The following HRG variants were observed in gnomAD, a reference collection of about 807,000 sequenced individuals.
The protein encoded by HRG is histidine-rich glycoprotein.
Under a neutral mutation model 29.5 loss-of-function variants are expected in HRG, and 26 were observed. The observed-to-expected ratio is 0.88, with a 90% confidence interval of 0.65 to 1.22. The LOEUF is 1.22. HRG is among the 50% of genes most tolerant of loss of function. The pLI, the probability that HRG is intolerant of heterozygous loss-of-function variation, is 0.00. For missense variants in HRG, 671 were observed against 654.5 expected (o/e 1.03, Z -0.28); for synonymous variants, 243 against 240.4 (o/e 1.01, Z -0.10).
chr3:186,673,007 G>A (rs1718854905), intron 5 of HRG, 140 bp downstream of exon 5: 1 of 713,494 alleles, frequency 1.4e-6, no homozygotes, highest in South Asian at 1.5e-5. Context: ...AGGAGGAGAA[G>A]GAGGAAGAAA....
At chr3:186,677,024 C>T in intron 6 of HRG, 23 bp from the exon 7 acceptor site, 4 of 1,613,894 alleles carry the variant, frequency 2.5e-6, no homozygotes, top group Non-Finnish European at 3.4e-6. Flanking sequence ...TGATGATAGG[C>T]ACTTTTCTGT....
intron 3 of HRG, 86 bp downstream of exon 3, chr3:186,670,114 T>C (rs1579074758): frequency 2.5e-6 from 2 of 786,498 alleles, no homozygotes; most frequent in East Asian, 5.0e-5. Context: ...TATGTACATA[T>C]GTATTCATAT....
chr3:186,675,758 T>C (rs7625980), intron 6 of HRG, among the ~76,000 whole-genome samples: 38,103 of 151,696 alleles, frequency 0.25, 4,947 homozygotes, highest in South Asian at 0.33. Flanking sequence ...CTTCACGAAA[T>C]TTTTCATATC....
In HRG at chr3:186,671,180, C is replaced by G. The variant is rs577376647; in HGVS notation, c.392-443C>G. Among the ~76,000 whole-genome samples the G allele has an allele frequency of 7.7e-3, 1,140 of 148,192 alleles. 16 individuals are homozygous for G. Among genetic ancestry groups the G allele is most frequent in the African/African-American group, 0.027 (1,093 of 40,608 alleles). On this transcript the variant is annotated intron_variant, in intron 3 of 6. Coordinates refer to ENST00000232003, the MANE Select transcript of HRG (RefSeq NM_000412.5). Reference sequence around the variant, plus strand: ...ACTAGCCTGGGCAATGTGACTCAACCCCATCTCTATTATTTAATATATATG... The same window carrying G: ...ACTAGCCTGGGCAATGTGACTCAACGCCATCTCTATTATTTAATATATATG...
intron 4 of HRG, among the ~76,000 whole-genome samples, chr3:186,672,365 G>A (rs1459374702): frequency 2.0e-5 from 3 of 152,202 alleles, no homozygotes; most frequent in Admixed American, 6.5e-5. Flanking sequence ...ACTGGAGTTT[G>A]AAAACATATT....
intron 5 of HRG, chr3:186,673,966 T>A (rs1382053248): frequency 6.6e-6 from 1 of 152,198 alleles, no homozygotes; most frequent in Non-Finnish European, 1.5e-5. Context: ...ACATTTCCTG[T>A]GACAAGGGGA....
chr3:186,669,597 T>C, intron 2 of HRG: 1 of 384,490 alleles, frequency 2.6e-6, no homozygotes, highest in Non-Finnish European at 4.9e-6. Flanking sequence ...GTGGAGAACA[T>C]GAAGATGAAT....
chr3:186,671,933 A>G, intron 4 of HRG, 144 bp downstream of exon 4: 2 of 736,452 alleles, frequency 2.7e-6, no homozygotes, highest in East Asian at 2.7e-5. Context: ...AAAGACAGGC[A>G]GCAGGTATTT....
At chr3:186,669,104 A>C (rs1412476771) in intron 2 of HRG, 53 bp downstream of exon 2, 2 of 995,324 alleles carry the variant, frequency 2.0e-6, no homozygotes, top group Non-Finnish European at 3.3e-6. Flanking sequence ...TTTTCCATCT[A>C]CTCTGTTCAC....
Position 186,678,013 on chromosome 3 carries a change from T to C in HRG, c.*130T>C, listed in dbSNP as rs979277963. On this transcript the variant is annotated 3_prime_UTR_variant, in exon 7 of 7. Coordinates refer to ENST00000232003, the MANE Select transcript of HRG (RefSeq NM_000412.5). ...TACTGAAGATGCAGCAAAATGTGAA[T>C]GGGAAAAGAGATGGCCTGAGAAGAG... 6.8e-5 allele frequency: 62 copies of C among 906,442 alleles called. No individual in the cohort carries two copies. In the African/African-American group the frequency reaches 9.3e-4, roughly 14 times the overall value. The allele number at this position is 906,442 out of a possible 1,614,324, so 56.1% of individuals were successfully genotyped here. A position where few individuals can be genotyped will look rare whatever the true frequency, so the allele number is the denominator to read the frequency against.
chr3:186,675,252 T>C, intron 6 of HRG, 62 bp downstream of exon 6: 2 of 1,003,664 alleles, frequency 2.0e-6, no homozygotes, highest in Non-Finnish European at 3.2e-6. Flanking sequence ...CGTACACAAA[T>C]AGTGTTGTTG....
chr3:186,669,015 C>A lies in HRG; in HGVS notation c.264C>A (p.Asp88Glu). Residue 88 changes from aspartate to glutamate, a missense_variant, in exon 2 of 7, where the codon GAC (aspartate) becomes GAA (glutamate). Transcript: ENST00000232003. ...CSVLSRKYWN[D>E]CEPPDSRRPS... Reference sequence around the variant, plus strand: ...TCCTATCCAGGAAATACTGGAATGACTGTGAGCCACCTGATTCCAGACGTC... The same window carrying A: ...TCCTATCCAGGAAATACTGGAATGAATGTGAGCCACCTGATTCCAGACGTC... The A allele has an allele frequency of 6.2e-7, 1 of 1,609,318 alleles. No homozygotes were observed. Among genetic ancestry groups the A allele is most frequent in the Non-Finnish European group, 8.5e-7 (1 of 1,175,566 alleles).
At position 186,666,167 on chromosome 3, in the gene HRG, T is replaced by C. The variant is rs114054207; in HGVS notation, c.136T>C (p.Tyr46His). 1.4e-3 allele frequency: 2,280 copies of C among 1,614,188 alleles called. 36 individuals are homozygous for C. In the African/African-American group the frequency reaches 0.027, roughly 19 times the overall value. Residue 46 changes from tyrosine (Y) to histidine (H), a missense_variant, in exon 1 of 7, where the codon TAC (tyrosine) becomes CAC (histidine). Transcript: ENST00000232003. ...GATCAATAAAAGGCGACGGGATGGC[T>C]ACCTTTTCCAATTGCTGCGGATTGC... ...DLINKRRRDGYLFQLLRIADA... is the reference protein window; with the variant it reads ...DLINKRRRDGHLFQLLRIADA...
At position 186,666,209 on chromosome 3, in the gene HRG, A is replaced by G. The variant is rs1718605490; in HGVS notation, c.178A>G (p.Arg60Gly). The change falls in exon 1 of 7, where the codon AGA becomes GGA. Residue 60 changes from arginine (R) to glycine (G), a missense_variant. Arg to Gly is a moderately radical substitution (Grantham distance 125, BLOSUM62 -2). Transcript: ENST00000232003. ...LLRIADAHLD[R>G]VENTTVYYLV... ...GCGGATTGCTGATGCCCACTTGGAC[A>G]GAGTGGTGAGGAATTGCCAATGGCA... 1.9e-6 allele frequency: 3 copies of G among 1,613,738 alleles called. No individual in the cohort carries two copies. In the African/African-American group the frequency reaches 4.0e-5, roughly 22 times the overall value.
chr3:186,672,903 G>GTCACA (rs1718849780), intron 5 of HRG, 36 bp downstream of exon 5: 2 of 1,332,008 alleles, frequency 1.5e-6, no homozygotes, highest in Non-Finnish European at 2.2e-6. Flanking sequence ...GTTGACTAGA[G>GTCACA]TCACAGAGAA....
At position 186,672,825 on chromosome 3, in the gene HRG, T is replaced by C; in HGVS notation, c.597T>C (p.Ser199=). The C allele has an allele frequency of 6.2e-7, 1 of 1,612,940 alleles. No individual in the cohort carries two copies. Among genetic ancestry groups the C allele is most frequent in the Non-Finnish European group, 8.5e-7 (1 of 1,178,878 alleles). ...GAACTGGTTACTTCGTGGACTTCTCTGTGCGGAACTGCCCCAGACACCATT... is the reference window on the plus strand; with the variant it reads ...GAACTGGTTACTTCGTGGACTTCTCCGTGCGGAACTGCCCCAGACACCATT... ...GEGTGYFVDF[S]VRNCPRHHFP... is the part of the protein sequence containing the mutation. Residue 199 remains serine, a synonymous_variant, in exon 5 of 7, where the codon TCT becomes TCC. Transcript: ENST00000232003.
chr3:186,666,307 A>G, intron 1 of HRG, 93 bp downstream of exon 1: 2 of 1,331,658 alleles, frequency 1.5e-6, no homozygotes, highest in South Asian at 1.2e-5. Context: ...TGCACAATGA[A>G]TGGCTTTGGT....
At chr3:186,670,089 G>A in intron 3 of HRG, 61 bp downstream of exon 3, 3 of 868,734 alleles carry the variant, frequency 3.5e-6, no homozygotes, top group South Asian at 1.3e-5. Flanking sequence ...ATCATACAGT[G>A]GTATTTGTCT....
chr3:186,671,456 C>T (rs926386016), intron 3 of HRG, among the ~76,000 whole-genome samples, 167 bp from the exon 4 acceptor site: 2 of 151,876 alleles, frequency 1.3e-5, no homozygotes, highest in South Asian at 2.1e-4. Flanking sequence ...GAAGAATCAG[C>T]AGTTTAGTTC....
Sources: allele counts gnomAD v4.1 joint callset (sites outside exome capture counted in the v4.1 genomes callset), GRCh38; gene constraint gnomAD v4.1.1; transcripts MANE v1.5; gene names NCBI Gene and HGNC (gene_info 2026-07-23, HGNC 2026-07-21).